RRP1B: variants seen among roughly 807,000 people sequenced by gnomAD.
RRP1B encodes ribosomal RNA processing protein 1 homolog B.
A neutral mutation model predicts 80.2 loss-of-function variants in RRP1B; 56 were observed. The ratio of observed to expected loss-of-function variants is 0.70; its 90% CI spans 0.56 to 0.87. RRP1B has a LOEUF of 0.87. RRP1B is among the 40% of genes least tolerant of loss of function. RRP1B has a pLI of 0.00. For synonymous variants in RRP1B, 351 were observed against 357.6 expected, an observed-to-expected ratio of 0.98 and a Z score of 0.21; for missense variants, 807 against 939.8, an observed-to-expected ratio of 0.86 and a Z score of 1.85.
intron 11 of RRP1B, 49 bp downstream of exon 11, chr21:43,685,838 AC>A: frequency 6.3e-7 from 1 of 1,576,430 alleles, no homozygotes; most frequent in Admixed American, 1.8e-5. Context: ...GTGAATATGG[AC>A]CCCACTGGGG....
intron 13 of RRP1B, among the ~76,000 whole-genome samples, chr21:43,689,992 T>C (rs1226717775): frequency 2.6e-5 from 4 of 152,260 alleles, no homozygotes; most frequent in African/African-American, 4.8e-5. Context: ...TATTAACAGA[T>C]CGGCTTTGAA....
chr21:43,659,718 C>T lies in RRP1B; in HGVS notation c.54C>T (p.Ser18=), dbSNP rs1217012524. The part of the protein sequence containing the change: ...AEIQFAQRLA[S]SEKGIRDRAV... The stretch of plus-strand genomic sequence containing the variant: ...TCCAATTTGCCCAGCGGCTGGCGTC[C>T]AGCGAGAAGGGCATCCGGGACCGAG... The change falls in exon 1 of 16, where the codon TCC becomes TCT. Residue 18 remains serine (S), a synonymous_variant. Coordinates refer to ENST00000340648, the MANE Select transcript of RRP1B (RefSeq NM_015056.3). This position sits in a 1 kb window ranked among gnomAD's most constrained non-coding sequence, Gnocchi z 4.2. The T allele has an allele frequency of 1.2e-5, 18 of 1,532,528 alleles. No homozygotes were observed. Among genetic ancestry groups the T allele is most frequent in the Non-Finnish European group, 1.2e-5 (14 of 1,138,726 alleles). The allele number at this position is 1,532,528 out of a possible 1,614,324, so 94.9% of individuals were successfully genotyped here.
At chr21:43,686,115 C>T (rs1461527713) in intron 11 of RRP1B, 1 of 205,058 alleles carries the variant, frequency 4.9e-6, no homozygotes, top group Admixed American at 5.5e-5. Flanking sequence ...AACAAGACCC[C>T]AACTTTTAAG....
intron 13 of RRP1B, among the ~76,000 whole-genome samples, chr21:43,689,661 G>A (rs1460440594): frequency 6.6e-6 from 1 of 152,256 alleles, no homozygotes; most frequent in Admixed American, 6.5e-5. Flanking sequence ...AAGTCCCAGG[G>A]TCAAGGGAAG....
At position 43,686,693 on chromosome 21, in the gene RRP1B, G is replaced by A. The variant is rs530987017; in HGVS notation, c.1010-111G>A. The A allele has an allele frequency of 2.4e-6, 3 of 1,273,406 alleles. No individual in the cohort carries two copies. The East Asian group carries it at 7.1e-5, about 30-fold the overall frequency. The allele number at this position is 1,273,406 out of a possible 1,614,324, so 78.9% of individuals were successfully genotyped here. Reference sequence around the variant, plus strand: ...CGCTCAGGTTTGGGTGGGAGAAACGGTGAGGAACGATGATGATGAGGCAGA... The same window carrying A: ...CGCTCAGGTTTGGGTGGGAGAAACGATGAGGAACGATGATGATGAGGCAGA... On this transcript the variant is annotated intron_variant, in intron 11 of 15. Transcript: ENST00000340648.
chr21:43,688,979 A>G (rs2083075608), intron 13 of RRP1B, among the ~76,000 whole-genome samples: 1 of 152,236 alleles, frequency 6.6e-6, no homozygotes. Flanking sequence ...TTGTAGAGAC[A>G]GAGTTTTGCC....
At position 43,659,670 on chromosome 21, in the gene RRP1B, C is replaced by T; in HGVS notation, c.6C>T (p.Ala2=). The T allele has an allele frequency of 2.6e-6, 4 of 1,510,646 alleles. No homozygotes were observed. The highest frequency in any genetic ancestry group is 3.5e-6 in the Non-Finnish European group (4 of 1,128,786). 93.6% of individuals were successfully genotyped at this position (1,510,646 alleles called of 1,614,324 possible). A position where few individuals can be genotyped will look rare whatever the true frequency, so the allele number is the denominator to read the frequency against. The change falls in exon 1 of 16, where the codon GCC becomes GCT. Residue 2 remains alanine, a synonymous_variant. Coordinates refer to ENST00000340648, the MANE Select transcript of RRP1B (RefSeq NM_015056.3). This position sits in a 1 kb window ranked among gnomAD's most constrained non-coding sequence, Gnocchi z 4.2. The part of the protein sequence containing the change: M[A]PAMQPAEIQF... ...GGGATGCTCCAGCGGGCGCGATGGC[C>T]CCCGCCATGCAGCCGGCCGAGATCC...
chr21:43,660,971 T>G (rs969060), intron 1 of RRP1B, among the ~76,000 whole-genome samples: 103,296 of 152,142 alleles, frequency 0.68, 35,644 homozygotes, highest in East Asian at 0.82. Flanking sequence ...GATAAAGTTT[T>G]ATTTAGTTAC....
At position 43,688,098 on chromosome 21, in the gene RRP1B, C is replaced by T. The variant is rs368367813; in HGVS notation, c.1724C>T (p.Ala575Val). ...PQRRRLQKKK[A>V]GPGSLELCGL... ...CGCAGGAGGCTGCAGAAAAAGAAGG[C>T]AGGGCCCGGCAGCCTGGAGCTCTGT... Residue 575 changes from alanine (A) to valine (V), a missense_variant, in exon 13 of 16, where the codon GCA becomes GTA. By Grantham distance (64) the Ala-to-Val change is moderately conservative. Transcript: ENST00000340648. 3.9e-5 allele frequency: 62 copies of T among 1,605,160 alleles called. No individual in the cohort carries two copies. The highest frequency in any genetic ancestry group is 5.2e-5 in the Non-Finnish European group (61 of 1,176,370).
At chr21:43,672,169 T>C (rs2147165028) in intron 2 of RRP1B, 139 bp from the exon 3 acceptor site, 4 of 701,278 alleles carry the variant, frequency 5.7e-6, no homozygotes, top group South Asian at 3.4e-5. Flanking sequence ...GATATTCGGA[T>C]ACATACTTCT....
At chr21:43,661,354 C>T (rs1211764954) in intron 1 of RRP1B, among the ~76,000 whole-genome samples, 2 of 152,272 alleles carry the variant, frequency 1.3e-5, no homozygotes, top group East Asian at 1.9e-4. Flanking sequence ...TTTCTTTCCC[C>T]GAAATCCTGT....
intron 1 of RRP1B, among the ~76,000 whole-genome samples, chr21:43,667,319 T>G (rs539014825): frequency 6.6e-6 from 1 of 152,298 alleles, no homozygotes; most frequent in African/African-American, 2.4e-5. Context: ...CTCAAATTCC[T>G]GGGCTCAGGT....
At chr21:43,677,444 G>A (rs574283733) in intron 8 of RRP1B, among the ~76,000 whole-genome samples, 11 of 152,234 alleles carry the variant, frequency 7.2e-5, no homozygotes, top group Admixed American at 2.0e-4. Context: ...GAAGTTGCAG[G>A]CCCATCCAAA....
rs2083103743 is a variant in RRP1B at position 43,695,448 on chromosome 21, G to C, written c.*2065G>C. ...ACCATGCCTGAGAGGTCCCGGCTGG[G>C]AGTGACAGGGTGCTTCTTAGATTCT... On this transcript the variant is annotated 3_prime_UTR_variant, in exon 16 of 16. Coordinates refer to ENST00000340648, the MANE Select transcript of RRP1B (RefSeq NM_015056.3). The C allele has an allele frequency of 2.0e-5, 3 of 152,190 alleles. No individual in the cohort carries two copies. The highest frequency in any genetic ancestry group is 6.5e-5 in the Admixed American group (1 of 15,272). The allele number at this position is 152,190 out of a possible 1,614,324, so 9.4% of individuals were successfully genotyped here.
intron 2 of RRP1B, among the ~76,000 whole-genome samples, chr21:43,670,670 T>C (rs2082995966): frequency 6.6e-6 from 1 of 151,628 alleles, no homozygotes; most frequent in Non-Finnish European, 1.5e-5. Flanking sequence ...TCTTAGGACC[T>C]TATGAGATTT....
intron 2 of RRP1B, among the ~76,000 whole-genome samples, chr21:43,671,640 C>T (rs906127771): frequency 2.1e-5 from 3 of 146,008 alleles, no homozygotes; most frequent in African/African-American, 7.6e-5. Context: ...AGTGCTCGGG[C>T]TCCCATTACA....
At chr21:43,665,874 G>A (rs187125493) in intron 1 of RRP1B, among the ~76,000 whole-genome samples, 1 of 152,312 alleles carries the variant, frequency 6.6e-6, no homozygotes, top group African/African-American at 2.4e-5. Flanking sequence ...AAACCTCTTA[G>A]CGTCAGGTGT....
rs758036258 is a variant in RRP1B at position 43,685,808 on chromosome 21, C to A, written c.1009+19C>A. ...TCTGAAGGTGAGGCGCGCCAAGAAT[C>A]ATCATTCATGGTGTTTTTCGTGAAT... is the stretch of plus-strand genomic sequence containing the variant. On this transcript the variant is annotated intron_variant, in intron 11 of 15. Transcript: ENST00000340648. 1.3e-6 allele frequency: 2 copies of A among 1,590,800 alleles called. No individual in the cohort carries two copies. Among genetic ancestry groups the A allele is most frequent in the South Asian group, 1.2e-5 (1 of 85,582 alleles).
intron 12 of RRP1B, 33 bp from the exon 13 acceptor site, chr21:43,687,483 T>G (rs761776087): frequency 1.4e-6 from 2 of 1,464,832 alleles, no homozygotes; most frequent in Non-Finnish European, 1.8e-6. Flanking sequence ...CAGCTGGCAC[T>G]GGGTGCTTGT....
Sources: gnomAD v4.1 joint callset for allele counts (sites outside exome capture counted in the v4.1 genomes callset) on GRCh38, gnomAD v4.1.1 for gene constraint, Gnocchi (gnomAD v3.1) non-coding constraint, MANE v1.5 for transcripts, NCBI Gene and HGNC (gene_info 2026-07-23, HGNC 2026-07-21) for gene names.